CAGE1: variants seen among roughly 807,000 people sequenced by gnomAD.
CAGE1 encodes cancer-associated gene 1 protein.
A neutral mutation model predicts 94.9 loss-of-function variants in CAGE1; 66 were observed. The ratio of observed to expected loss-of-function variants is 0.70; its 90% confidence interval spans 0.57 to 0.85. CAGE1 has a LOEUF of 0.85. Among genes scored for constraint, CAGE1 ranks in the 40% least tolerant of loss-of-function variants. The probability of loss-of-function intolerance (pLI) is 0.00; values close to 1 mark genes in which losing one functional copy is unlikely to be tolerated. For synonymous variants in CAGE1, 319 were observed against 321.0 expected, an observed-to-expected ratio of 0.99 and a Z score of 0.07; for missense variants, 865 against 950.4, an observed-to-expected ratio of 0.91 and a Z score of 1.18.
intron 12 of CAGE1, among the ~76,000 whole-genome samples, chr6:7,332,180 C>T (rs148969270): frequency 1.3e-5 from 2 of 152,330 alleles, no homozygotes; most frequent in East Asian, 3.9e-4. Flanking sequence ...GCTCATTTCC[C>T]TCTCCATTTG....
chr6:7,378,208 G>A (rs9379100), intron 4 of CAGE1, among the ~76,000 whole-genome samples: 55,726 of 151,950 alleles, frequency 0.37, 10,387 homozygotes, highest in East Asian at 0.44. Flanking sequence ...AAAAAATTAT[G>A]GTAAAAAAAG....
chr6:7,345,749 C>CAAAAATACAAAAAA (rs1267457609), intron 11 of CAGE1, among the ~76,000 whole-genome samples: 2 of 151,776 alleles, frequency 1.3e-5, no homozygotes, highest in Non-Finnish European at 2.9e-5. Context: ...GACTAAAACC[C>CAAAAATACAAAAAA]CGTCTCTACT....
At position 7,326,901 on chromosome 6, in the gene CAGE1, TA is replaced by T; in HGVS notation, c.2479-3del. ...ATTTTCTTTAAAAAGAGCTGGCATC[TA>T]AAAATGAAAGGAAAAATGTTTCGTA... On this transcript the variant is annotated splice_polypyrimidine_tract_variant and splice_region_variant and intron_variant, in intron 13 of 13. Coordinates refer to ENST00000502583, the MANE Select transcript of CAGE1 (RefSeq NM_001170692.2). 6.3e-7 allele frequency: 1 copy of T among 1,583,782 alleles called. No homozygotes were observed. Among genetic ancestry groups the T allele is most frequent in the Non-Finnish European group, 8.7e-7 (1 of 1,153,092 alleles).
intron 11 of CAGE1, among the ~76,000 whole-genome samples, chr6:7,348,122 C>G (rs1184806708): frequency 6.6e-6 from 1 of 152,112 alleles, no homozygotes; most frequent in Admixed American, 6.5e-5. Flanking sequence ...CCAACCAGTA[C>G]AAAAATAAAA....
At chr6:7,328,934 ATTT>A (rs869241612) in intron 13 of CAGE1, among the ~76,000 whole-genome samples, 1,772 of 106,652 alleles carry the variant, frequency 0.017, 29 homozygotes, top group Middle Eastern at 0.043. Context: ...ATATATATAT[ATTT>A]TTTTTTTTTT....
rs1244419505 is a variant in CAGE1 at position 7,328,910 on chromosome 6, GTGTGTGTGTATA to G, written c.2478+927_2478+938del. On this transcript the variant is annotated intron_variant, in intron 13 of 13. Coordinates refer to ENST00000502583, the MANE Select transcript of CAGE1 (RefSeq NM_001170692.2). ...TGTGTGTGTGTGTGTGTGTGTGTGT[GTGTGTGTGTATA>G]TATATATATATATTTTTTTTTTTTT... Among the ~76,000 whole-genome samples the G allele has an allele frequency of 1.8e-3, 132 of 71,410 alleles. 1 individual carries two copies. The highest frequency in any genetic ancestry group is 3.9e-3 in the African/African-American group (63 of 16,234). 46.8% of individuals were successfully genotyped at this position (71,410 alleles called of 152,430 possible).
chr6:7,360,394 A>T (rs139409673), intron 9 of CAGE1, among the ~76,000 whole-genome samples: 1 of 152,142 alleles, frequency 6.6e-6, no homozygotes, highest in Non-Finnish European at 1.5e-5. Flanking sequence ...ATTTAGCTCT[A>T]TCTAGGTCGT....
At position 7,373,987 on chromosome 6, in the gene CAGE1, C is replaced by T; in HGVS notation, c.832G>A (p.Glu278Lys). The T allele has an allele frequency of 1.2e-6, 2 of 1,614,064 alleles. No homozygotes were observed. Among genetic ancestry groups the T allele is most frequent in the Non-Finnish European group, 1.7e-6 (2 of 1,179,902 alleles). ...WSSAGISWRS[E>K]ACRENCEMPD... ...ATCTCACAGTTCTCCCGACATGCTTCACTCCTCCAGGAAATGCCTGCCGAA... is the reference window on the plus strand; with the variant it reads ...ATCTCACAGTTCTCCCGACATGCTTTACTCCTCCAGGAAATGCCTGCCGAA... The change falls in exon 5 of 14, where the codon GAA (glutamate) becomes AAA (lysine). Residue 278 changes from glutamate (E) to lysine (K), a missense_variant. Glu to Lys is a moderately conservative substitution (Grantham distance 56). Coordinates refer to ENST00000502583, the MANE Select transcript of CAGE1 (RefSeq NM_001170692.2).
chr6:7,373,045 A>T (rs1457097387), intron 5 of CAGE1, 28 bp downstream of exon 5: 21 of 1,495,516 alleles, frequency 1.4e-5, no homozygotes, highest in Non-Finnish European at 1.8e-5. Flanking sequence ...GAAATTCCGC[A>T]TTAGAGATTT....
intron 12 of CAGE1, chr6:7,331,409 A>G (rs1758749220): frequency 2.8e-6 from 2 of 701,856 alleles, no homozygotes; most frequent in Non-Finnish European, 4.5e-6. Flanking sequence ...TTCTGGCATA[A>G]CCAATGATAA....
intron 11 of CAGE1, chr6:7,341,258 C>T: frequency 1.5e-6 from 1 of 663,468 alleles, no homozygotes; most frequent in Non-Finnish European, 2.8e-6. Flanking sequence ...GTGCTCACAG[C>T]AGAAGCCATC....
intron 11 of CAGE1, among the ~76,000 whole-genome samples, chr6:7,345,735 G>T (rs532328335): frequency 2.0e-5 from 3 of 151,928 alleles, no homozygotes; most frequent in Non-Finnish European, 4.4e-5. Flanking sequence ...AGACCATCCT[G>T]GCTGACTAAA....
intron 7 of CAGE1, 130 bp downstream of exon 7, chr6:7,368,558 G>C: frequency 1.9e-6 from 1 of 531,856 alleles, no homozygotes; most frequent in Non-Finnish European, 3.3e-6. Flanking sequence ...GAGGGGCACA[G>C]TAAAACTAAT....
At position 7,339,350 on chromosome 6, in the gene CAGE1, A is replaced by C; in HGVS notation, c.2370-5260T>G. The C allele has an allele frequency of 1.2e-6, 2 of 1,609,040 alleles. No individual in the cohort carries two copies. The highest frequency in any genetic ancestry group is 8.5e-7 in the Non-Finnish European group (1 of 1,175,964). Reference sequence around the variant, plus strand: ...CCTCTGGAGAGCCAAACCTCTTCTGAACTACAGCAGTCAGTTCCCGAATCC... The same window carrying C: ...CCTCTGGAGAGCCAAACCTCTTCTGCACTACAGCAGTCAGTTCCCGAATCC... On this transcript the variant is annotated intron_variant, in intron 11 of 13. Transcript: ENST00000502583. This position sits in a 1 kb window ranked among gnomAD's most constrained non-coding sequence, Gnocchi z 4.7.
rs1260114191 is a variant in CAGE1 at position 7,356,133 on chromosome 6, T to C, written c.2194-4A>G. The stretch of plus-strand genomic sequence containing the variant: ...GGAGATGTCCCAGTTTTGTGATCTA[T>C]GGAGAAATATCAGTAAACATACTAA... On this transcript the variant is annotated splice_polypyrimidine_tract_variant and splice_region_variant and intron_variant, in intron 9 of 13. Coordinates refer to ENST00000502583, the MANE Select transcript of CAGE1 (RefSeq NM_001170692.2). The C allele has an allele frequency of 5.4e-6, 8 of 1,484,448 alleles. No individual in the cohort carries two copies. The Admixed American group carries it at 1.2e-4, about 22-fold the overall frequency. 92.0% of individuals were successfully genotyped at this position (1,484,448 alleles called of 1,614,324 possible). A position where few individuals can be genotyped will look rare whatever the true frequency, so the allele number is the denominator to read the frequency against.
At chr6:7,329,513 C>G (rs146277585) in intron 13 of CAGE1, among the ~76,000 whole-genome samples, 9 of 152,288 alleles carry the variant, frequency 5.9e-5, no homozygotes, top group African/African-American at 1.2e-4. Flanking sequence ...AAAGATCACT[C>G]TGTCTACTCT....
In CAGE1 at chr6:7,368,802, A is replaced by G; in HGVS notation, c.1894-4T>C. ...CAGCATCAGAATTGATGATGTCCTA[A>G]GGGTAAGAGTTTCAGAAGCTAGATG... On this transcript the variant is annotated splice_polypyrimidine_tract_variant and splice_region_variant and intron_variant, in intron 6 of 13. Coordinates refer to ENST00000502583, the MANE Select transcript of CAGE1 (RefSeq NM_001170692.2). 6.6e-7 allele frequency: 1 copy of G among 1,507,558 alleles called. No individual in the cohort carries two copies. Among genetic ancestry groups the G allele is most frequent in the Non-Finnish European group, 8.9e-7 (1 of 1,120,984 alleles). 93.4% of individuals were successfully genotyped at this position (1,507,558 alleles called of 1,614,324 possible). A position where few individuals can be genotyped will look rare whatever the true frequency, so the allele number is the denominator to read the frequency against.
chr6:7,385,472 T>C (rs143260623), intron 3 of CAGE1, among the ~76,000 whole-genome samples: 1 of 152,276 alleles, frequency 6.6e-6, no homozygotes, highest in East Asian at 1.9e-4. Context: ...CCAACCTCAA[T>C]ACACATTTAA....
intron 4 of CAGE1, among the ~76,000 whole-genome samples, chr6:7,378,195 G>GA (rs36007886): frequency 6.6e-6 from 1 of 151,828 alleles, no homozygotes; most frequent in Non-Finnish European, 1.5e-5. Context: ...TGTTTGTGGT[G>GA]AAAAAAAATT....
Sources: gnomAD v4.1 joint callset for allele counts (sites outside exome capture counted in the v4.1 genomes callset) on GRCh38, gnomAD v4.1.1 for gene constraint, Gnocchi (gnomAD v3.1) non-coding constraint, MANE v1.5 for transcripts, NCBI Gene and HGNC (gene_info 2026-07-23, HGNC 2026-07-21) for gene names.